SLC38A11: variants seen among roughly 807,000 people sequenced by gnomAD.
The protein encoded by SLC38A11 is solute carrier family 38 member 11, also known as putative sodium-coupled neutral amino acid transporter 11.
A neutral mutation model predicts 49.4 loss-of-function variants in SLC38A11; 51 were observed. The observed-to-expected ratio is 1.03, with a 90% CI of 0.83 to 1.30. The LOEUF (loss-of-function observed/expected upper bound fraction) is 1.30. Among genes scored for constraint, SLC38A11 ranks in the 50% most tolerant of loss-of-function variants. The pLI, the probability that SLC38A11 is intolerant of heterozygous loss-of-function variation, is 0.00. For synonymous variants in SLC38A11, 203 were observed against 192.9 expected (o/e 1.05, Z -0.43); for missense variants, 574 against 556.2 (o/e 1.03, Z -0.32).
At chr2:164,908,272 G>A (rs185730611) in intron 11 of SLC38A11, among the ~76,000 whole-genome samples, 1 of 152,130 alleles carries the variant, frequency 6.6e-6, no homozygotes, top group African/African-American at 2.4e-5. Flanking sequence ...AATGAGATAT[G>A]CAAAAGTACT....
intron 4 of SLC38A11, 29 bp from the exon 5 acceptor site, chr2:164,944,663 C>A: frequency 1.1e-6 from 1 of 908,372 alleles, no homozygotes; most frequent in South Asian, 3.7e-5. Context: ...TAAGAGTCAT[C>A]AATAAGCCAT....
At chr2:164,954,244 C>A (rs541170906) in intron 2 of SLC38A11, among the ~76,000 whole-genome samples, 2 of 152,222 alleles carry the variant, frequency 1.3e-5, no homozygotes, top group East Asian at 3.9e-4. Flanking sequence ...AAGTTTTATA[C>A]TTCTAGAAAG....
intron 7 of SLC38A11, among the ~76,000 whole-genome samples, chr2:164,929,265 G>A (rs560514218): frequency 6.7e-4 from 102 of 152,132 alleles, no homozygotes; most frequent in African/African-American, 2.3e-3. Context: ...TGGCTACTCC[G>A]CCTTCTGTTG....
At chr2:164,917,614 G>T (rs1257643959) in intron 7 of SLC38A11, among the ~76,000 whole-genome samples, 1 of 152,114 alleles carries the variant, frequency 6.6e-6, no homozygotes, top group South Asian at 2.1e-4. Context: ...TTTCAGTCAG[G>T]CAGCACTAAC....
chr2:164,953,691 T>TTGTGAAAAG (rs1688669380), intron 2 of SLC38A11, among the ~76,000 whole-genome samples: 1 of 152,040 alleles, frequency 6.6e-6, no homozygotes, highest in Non-Finnish European at 1.5e-5. Flanking sequence ...CCATATTAAC[T>TTGTGAAAAG]TGTGAAAAGT....
At position 164,929,468 on chromosome 2, in the gene SLC38A11, T is replaced by A. The variant is rs1234113393; in HGVS notation, c.617+7882A>T. On this transcript the variant is annotated intron_variant, in intron 7 of 11. Coordinates refer to ENST00000685975, the MANE Select transcript of SLC38A11 (RefSeq NM_001351537.2). ...ATCAGAACTAATTCTGTGAGTGAAG[T>A]TGGAGGTACCTTAAAAGAGAAAATT... is the stretch of plus-strand genomic sequence containing the variant. 2.0e-5 allele frequency among the ~76,000 whole-genome samples: 3 copies of A among 152,064 alleles called. No homozygotes were observed. The South Asian group carries it at 6.2e-4, about 31-fold the overall frequency.
rs936187292 is a variant in SLC38A11 at position 164,944,704 on chromosome 2, A to C, written c.365-70T>G. The C allele has an allele frequency of 6.9e-6, 4 of 576,196 alleles. No individual in the cohort carries two copies. The African/African-American group carries it at 7.7e-5, about 11-fold the overall frequency. The allele number at this position is 576,196 out of a possible 1,614,324, so 35.7% of individuals were successfully genotyped here. ...ATTTCATCCTAAATATTTTGAAAGC[A>C]ATCAGTTATTACTTCCCAAATATTG... is the stretch of plus-strand genomic sequence containing the variant. On this transcript the variant is annotated intron_variant, in intron 4 of 11. Transcript: ENST00000685975.
At chr2:164,929,094 T>A (rs1007720570) in intron 7 of SLC38A11, among the ~76,000 whole-genome samples, 1 of 152,090 alleles carries the variant, frequency 6.6e-6, no homozygotes, top group Non-Finnish European at 1.5e-5. Context: ...CATAAAAGAA[T>A]AAGAGAAGGG....
intron 11 of SLC38A11, among the ~76,000 whole-genome samples, chr2:164,906,859 C>T (rs575255246): frequency 6.6e-6 from 1 of 152,206 alleles, no homozygotes; most frequent in Non-Finnish European, 1.5e-5. Flanking sequence ...TCCCTCCTGC[C>T]TTTGTATGGA....
intron 7 of SLC38A11, among the ~76,000 whole-genome samples, chr2:164,934,348 A>G (rs115785946): frequency 0.033 from 5,065 of 152,262 alleles, 119 homozygotes; most frequent in Non-Finnish European, 0.054. Flanking sequence ...TTAATTTTAG[A>G]AACAATGTGT....
At chr2:164,908,404 CA>C (rs1439347629) in intron 11 of SLC38A11, among the ~76,000 whole-genome samples, 1 of 152,128 alleles carries the variant, frequency 6.6e-6, no homozygotes, top group Non-Finnish European at 1.5e-5. Context: ...AGGCCAACAG[CA>C]CTGCCTACCC....
At chr2:164,944,547 C>T in intron 5 of SLC38A11, 22 bp downstream of exon 5, 7 of 1,190,178 alleles carry the variant, frequency 5.9e-6, no homozygotes, top group Non-Finnish European at 7.7e-6. Context: ...TTTAAATCCT[C>T]ACAATTTTTA....
intron 11 of SLC38A11, 21 bp downstream of exon 11, chr2:164,908,619 T>G: frequency 2.0e-6 from 3 of 1,483,380 alleles, no homozygotes; most frequent in Non-Finnish European, 2.7e-6. Context: ...AGTGAAGGGG[T>G]AAATCTTTGC....
In SLC38A11 at chr2:164,898,470, T is replaced by C. The variant is rs765750014; in HGVS notation, c.1356A>G (p.Gln452=). The C allele has an allele frequency of 5.6e-6, 9 of 1,612,856 alleles. No individual in the cohort carries two copies. Among genetic ancestry groups the C allele is most frequent in the African/African-American group, 1.3e-5 (1 of 74,982 alleles). The change falls in exon 12 of 12, where the codon CAA becomes CAG. Residue 452 remains glutamine, a synonymous_variant. Coordinates refer to ENST00000685975, the MANE Select transcript of SLC38A11 (RefSeq NM_001351537.2). ...TSESHVQQTT[Q]LSTLNISIFQ ...AGATACTAATATTTAAAGTAGAAAG[T>C]TGTGTTGTCTGCTGAACATGAGACT...
rs1382198557 is a variant in SLC38A11 at position 164,915,839 on chromosome 2, C to T, written c.688+64G>A. The T allele has an allele frequency of 8.2e-6, 10 of 1,212,986 alleles. No individual in the cohort carries two copies. The Admixed American group carries it at 1.4e-4, about 17-fold the overall frequency. The allele number at this position is 1,212,986 out of a possible 1,614,324, so 75.1% of individuals were successfully genotyped here. On this transcript the variant is annotated intron_variant, in intron 8 of 11. Coordinates refer to ENST00000685975, the MANE Select transcript of SLC38A11 (RefSeq NM_001351537.2). Reference sequence around the variant, plus strand: ...GCTATCCAGACATAAATATGAAACACAGCACTTTTTCATGGAACAGAGAAC... The same window carrying T: ...GCTATCCAGACATAAATATGAAACATAGCACTTTTTCATGGAACAGAGAAC...
chr2:164,955,101 G>A, intron 1 of SLC38A11, 108 bp downstream of exon 1: 1 of 1,035,132 alleles, frequency 9.7e-7, no homozygotes. Context: ...AGAACTTTTC[G>A]CGGTGCTAAA....
chr2:164,940,705 T>A (rs1200781060), intron 5 of SLC38A11, among the ~76,000 whole-genome samples: 4 of 150,456 alleles, frequency 2.7e-5, no homozygotes, highest in Admixed American at 6.7e-5. Flanking sequence ...GATTATTAGA[T>A]TATTAGTATT....
At chr2:164,915,551 G>C (rs1009193346) in intron 8 of SLC38A11, 10 of 426,016 alleles carry the variant, frequency 2.3e-5, no homozygotes, top group Non-Finnish European at 3.3e-5. Flanking sequence ...CTTCCCATCT[G>C]AAGGAAATCT....
intron 11 of SLC38A11, among the ~76,000 whole-genome samples, chr2:164,905,209 C>A (rs2105447631): frequency 6.6e-6 from 1 of 152,140 alleles, no homozygotes; most frequent in East Asian, 1.9e-4. Flanking sequence ...CTTCCGCCTC[C>A]TGGGTTCAAG....
Sources: allele counts gnomAD v4.1 joint callset (sites outside exome capture counted in the v4.1 genomes callset), GRCh38; gene constraint gnomAD v4.1.1; transcripts MANE v1.5; gene names NCBI Gene and HGNC (gene_info 2026-07-23, HGNC 2026-07-21).